Variants in BCL2L15 observed in about 807,000 individuals in gnomAD.
The protein encoded by BCL2L15 is BCL2 like 15.
A neutral mutation model predicts 18.3 loss-of-function variants in BCL2L15; 15 were observed. The ratio of observed to expected loss-of-function variants is 0.82; its 90% confidence interval spans 0.55 to 1.26. The LOEUF (loss-of-function observed/expected upper bound fraction) is 1.26. Among genes scored for constraint, BCL2L15 ranks in the 50% most tolerant of loss-of-function variants. BCL2L15 has a pLI of 0.00. For synonymous variants in BCL2L15, 58 were observed against 68.5 expected (o/e 0.85, Z 0.76); for missense variants, 180 against 201.7 (o/e 0.89, Z 0.65).
Position 113,886,908 on chromosome 1 carries a change from T to G in BCL2L15, c.128-250A>C, listed in dbSNP as rs1393750943. 1.1e-4 allele frequency among the ~76,000 whole-genome samples: 8 copies of G among 72,742 alleles called. No homozygotes were observed. In the East Asian group the frequency reaches 0.011, roughly 103 times the overall value. The allele number at this position is 72,742 out of a possible 152,430, so 47.7% of individuals were successfully genotyped here. Reference sequence around the variant, plus strand: ...AAAGGAAATAAATAAAATATACTGTTTTTTTTTTTTTGAGACCGAGTCTCT... The same window carrying G: ...AAAGGAAATAAATAAAATATACTGTGTTTTTTTTTTTGAGACCGAGTCTCT... On this transcript the variant is annotated intron_variant, in intron 1 of 3. Transcript: ENST00000393316.
At position 113,880,105 on chromosome 1, in the gene BCL2L15, AGCTGGGGTGGCCTT is replaced by A. The variant is rs1364258394; in HGVS notation, c.*1004_*1017del. ...TGTGTTATGCAGCTAGCTTCATCTA[AGCTGGGGTGGCCTT>A]GCTGTCCTAGATGTGGGCCAGCACT... is the stretch of plus-strand genomic sequence containing the variant. On this transcript the variant is annotated 3_prime_UTR_variant, in exon 4 of 4. Transcript: ENST00000393316. The A allele has an allele frequency of 6.6e-6, 1 of 152,346 alleles. No individual in the cohort carries two copies. The highest frequency in any genetic ancestry group is 6.5e-5 in the Admixed American group (1 of 15,272). 9.4% of individuals were successfully genotyped at this position (152,346 alleles called of 1,614,324 possible).
Position 113,887,410 on chromosome 1 carries a change from G to C in BCL2L15, c.-35C>G. On this transcript the variant is annotated 5_prime_UTR_variant, in exon 1 of 4. Coordinates refer to ENST00000393316, the MANE Select transcript of BCL2L15 (RefSeq NM_001010922.3). ...TTGCTGTCAAGTTTTGCTTTTCCAC[G>C]AAACAAGCAGTTTTCAGCCCAGCAG... 1.2e-6 allele frequency: 2 copies of C among 1,613,150 alleles called. No homozygotes were observed. Among genetic ancestry groups the C allele is most frequent in the Non-Finnish European group, 1.7e-6 (2 of 1,179,432 alleles).
At chr1:113,886,022 A>G (rs1035335050) in intron 2 of BCL2L15, among the ~76,000 whole-genome samples, 3 of 152,016 alleles carry the variant, frequency 2.0e-5, no homozygotes, top group Non-Finnish European at 4.4e-5. Flanking sequence ...AGCCCGGGCA[A>G]CATGGCAAAA....
At chr1:113,885,864 C>T (rs1179513964) in intron 2 of BCL2L15, among the ~76,000 whole-genome samples, 4 of 151,018 alleles carry the variant, frequency 2.6e-5, no homozygotes, top group Non-Finnish European at 5.9e-5. Flanking sequence ...GCCGAGATCG[C>T]GCCACTGCAC....
intron 3 of BCL2L15, 113 bp downstream of exon 3, chr1:113,881,660 C>G (rs150207408): frequency 2.8e-6 from 4 of 1,444,390 alleles, no homozygotes; most frequent in South Asian, 1.5e-5. Context: ...AATAGGGAAG[C>G]CTGTTTTCCT....
intron 3 of BCL2L15, 152 bp from the exon 4 acceptor site, chr1:113,881,292 G>A: frequency 8.3e-7 from 1 of 1,205,664 alleles, no homozygotes; most frequent in Non-Finnish European, 1.2e-6. Flanking sequence ...CTCTATGACA[G>A]CATAAGTTCT....
intron 2 of BCL2L15, among the ~76,000 whole-genome samples, chr1:113,883,999 A>T (rs915038857): frequency 6.6e-6 from 1 of 152,256 alleles, no homozygotes; most frequent in Non-Finnish European, 1.5e-5. Flanking sequence ...TATAATCCAC[A>T]GAATAAAGTA....
rs1410227361 is a variant in BCL2L15, at chr1:113,877,211, T to C, written c.*3912A>G. Among the ~76,000 whole-genome samples the C allele has an allele frequency of 2.0e-5, 3 of 151,886 alleles. No homozygotes were observed. The highest frequency in any genetic ancestry group is 7.3e-5 in the African/African-American group (3 of 41,340). On this transcript the variant is annotated 3_prime_UTR_variant, in exon 4 of 4. Transcript: ENST00000393316. Reference sequence around the variant, plus strand: ...GCTCGGTTATACTAGAGCATTGGGATTGTAGAGGAGAATCATGATTGATTA... The same window carrying C: ...GCTCGGTTATACTAGAGCATTGGGACTGTAGAGGAGAATCATGATTGATTA...
In BCL2L15 at chr1:113,881,995, T is replaced by C; in HGVS notation, c.252A>G (p.Thr84=). The change falls in exon 3 of 4, where the codon ACA becomes ACG. Residue 84 remains threonine, a splice_region_variant and synonymous_variant. Coordinates refer to ENST00000393316, the MANE Select transcript of BCL2L15 (RefSeq NM_001010922.3). ...CCACAGTGTCCTGGAGTATAGCTCC[T>C]GTCTGAGGAAAGACAAAGGAAACAT... ...NVIAETIKGQ[T]GAILQDTVES... The C allele has an allele frequency of 6.2e-7, 1 of 1,611,498 alleles. No individual in the cohort carries two copies. The highest frequency in any genetic ancestry group is 8.5e-7 in the Non-Finnish European group (1 of 1,177,820).
At chr1:113,886,457 T>C (rs1667038340) in intron 2 of BCL2L15, 80 bp downstream of exon 2, 2 of 1,385,538 alleles carry the variant, frequency 1.4e-6, no homozygotes, top group African/African-American at 1.5e-5. Flanking sequence ...TCCTAGTCAC[T>C]GTAGTATGGG....
chr1:113,886,017 G>C (rs1002586256), intron 2 of BCL2L15, among the ~76,000 whole-genome samples: 40 of 151,688 alleles, frequency 2.6e-4, no homozygotes, highest in Admixed American at 5.2e-4. Flanking sequence ...AGACCAGCCC[G>C]GGCAACATGG....
intron 1 of BCL2L15, 138 bp from the exon 2 acceptor site, chr1:113,886,796 A>T (rs1667050161): frequency 2.6e-6 from 2 of 772,686 alleles, no homozygotes; most frequent in Non-Finnish European, 3.9e-6. Context: ...TGTTCTGTCA[A>T]CACCAATAGT....
intron 3 of BCL2L15, 153 bp from the exon 4 acceptor site, chr1:113,881,293 C>A: frequency 2.5e-6 from 3 of 1,198,560 alleles, no homozygotes; most frequent in South Asian, 2.9e-5. Flanking sequence ...TCTATGACAG[C>A]ATAAGTTCTG....
chr1:113,877,907 A>C lies in BCL2L15; in HGVS notation c.*3216T>G, dbSNP rs1298470579. 2.0e-5 allele frequency among the ~76,000 whole-genome samples: 3 copies of C among 152,212 alleles called. No individual in the cohort carries two copies. The highest frequency in any genetic ancestry group is 4.8e-5 in the African/African-American group (2 of 41,458). On this transcript the variant is annotated 3_prime_UTR_variant, in exon 4 of 4. Transcript: ENST00000393316. Reference sequence around the variant, plus strand: ...GAGGTTTTGAGCTAGTTGTATCGCAAACAGGGAGAGTATGGGGATAAGAAA... The same window carrying C: ...GAGGTTTTGAGCTAGTTGTATCGCACACAGGGAGAGTATGGGGATAAGAAA...
rs759929546 is a variant in BCL2L15, at chr1:113,881,083, C to G, written c.*40G>C. ...AGGAATCAATCACCCAATCAGTCAA[C>G]AAGGAAGTGATGTTCAGTCTCGTGA... On this transcript the variant is annotated 3_prime_UTR_variant, in exon 4 of 4. Transcript: ENST00000393316. 6.2e-7 allele frequency: 1 copy of G among 1,613,888 alleles called. No individual in the cohort carries two copies. The highest frequency in any genetic ancestry group is 8.5e-7 in the Non-Finnish European group (1 of 1,179,830).
At chr1:113,885,909 C>CA (rs879731513) in intron 2 of BCL2L15, among the ~76,000 whole-genome samples, 41 of 133,122 alleles carry the variant, frequency 3.1e-4, no homozygotes, top group Middle Eastern at 4.0e-3. Flanking sequence ...GACTCCATCT[C>CA]AAAAAAAAAA....
In BCL2L15 at chr1:113,881,424, G is replaced by GA. The variant is rs1666876396; in HGVS notation, c.475-285dup. ...CCTAACACACACATAGAGAAGTTAG[G>GA]AAAAAAAGACCCAGAAATTTACAAA... On this transcript the variant is annotated intron_variant, in intron 3 of 3. Coordinates refer to ENST00000393316, the MANE Select transcript of BCL2L15 (RefSeq NM_001010922.3). 3.8e-6 allele frequency: 5 copies of GA among 1,306,034 alleles called. No homozygotes were observed. The South Asian group carries it at 8.2e-5, about 21-fold the overall frequency. The allele number at this position is 1,306,034 out of a possible 1,614,324, so 80.9% of individuals were successfully genotyped here. A position where few individuals can be genotyped will look rare whatever the true frequency, so the allele number is the denominator to read the frequency against.
Position 113,879,244 on chromosome 1 carries a change from G to A in BCL2L15, c.*1879C>T, listed in dbSNP as rs1262927150. On this transcript the variant is annotated 3_prime_UTR_variant, in exon 4 of 4. Coordinates refer to ENST00000393316, the MANE Select transcript of BCL2L15 (RefSeq NM_001010922.3). ...GATACATAGATGGCTGGCTGATAGA[G>A]GGGAAGTGGTTAGCTTTGTTAAACT... is the stretch of plus-strand genomic sequence containing the variant. The A allele has an allele frequency of 6.6e-6, 1 of 152,354 alleles. No homozygotes were observed. Among genetic ancestry groups the A allele is most frequent in the Non-Finnish European group, 1.5e-5 (1 of 68,032 alleles). 9.4% of individuals were successfully genotyped at this position (152,354 alleles called of 1,614,324 possible).
At position 113,877,087 on chromosome 1, in the gene BCL2L15, G is replaced by A. The variant is rs1416229883; in HGVS notation, c.*4036C>T. Among the ~76,000 whole-genome samples, 1 of 152,140 alleles carries A rather than the reference G, an allele frequency of 6.6e-6. No individual in the cohort carries two copies. On this transcript the variant is annotated 3_prime_UTR_variant, in exon 4 of 4. Transcript: ENST00000393316. ...ATAGCCTTCATGGAGAAGGCTTCATGACAGTTGGGTTGGGTCTTGAAGATG... is the reference window on the plus strand; with the variant it reads ...ATAGCCTTCATGGAGAAGGCTTCATAACAGTTGGGTTGGGTCTTGAAGATG...
Sources: allele counts gnomAD v4.1 joint callset (sites outside exome capture counted in the v4.1 genomes callset), GRCh38; gene constraint gnomAD v4.1.1; transcripts MANE v1.5; gene names NCBI Gene and HGNC (gene_info 2026-07-23, HGNC 2026-07-21).